The following BTAF1 variants were observed in gnomAD, a reference collection of about 807,000 sequenced individuals.
BTAF1 encodes B-TFIID TATA-box binding protein associated factor 1.
A neutral mutation model predicts 227.1 loss-of-function variants in BTAF1; 38 were observed. That is an observed-to-expected ratio of 0.17 (90% CI 0.13 to 0.22). The LOEUF (loss-of-function observed/expected upper bound fraction) is 0.22, where lower values mean the gene tolerates loss of function less well. BTAF1 is among the 10% of genes least tolerant of loss of function. The pLI is 1.00. For missense variants in BTAF1, 1,598 were observed against 2,204.0 expected, an observed-to-expected ratio of 0.73 and a Z score of 5.51; for synonymous variants, 742 against 751.9, an observed-to-expected ratio of 0.99 and a Z score of 0.21.
rs11186795 is a variant in BTAF1 at position 92,008,381 on chromosome 10, T to C, written c.3813+106T>C. On this transcript the variant is annotated intron_variant, in intron 26 of 37. Coordinates refer to ENST00000265990, the MANE Select transcript of BTAF1 (RefSeq NM_003972.3). ...TTTTTTGAGACAGAGTCTTGCTCTG[T>C]TGCCCAGGCTGGGGTGCAGTGGCAG... 302 of 1,131,144 alleles carry C rather than the reference T, an allele frequency of 2.7e-4. 1 individual carries two copies. The highest frequency in any genetic ancestry group is 8.3e-4 in the Admixed American group (24 of 29,062). 70.1% of individuals were successfully genotyped at this position (1,131,144 alleles called of 1,614,324 possible). A position where few individuals can be genotyped will look rare whatever the true frequency, so the allele number is the denominator to read the frequency against.
At position 91,993,693 on chromosome 10, in the gene BTAF1, G is replaced by T; in HGVS notation, c.3046-1G>T. The T allele has an allele frequency of 6.9e-7, 1 of 1,445,858 alleles. No individual in the cohort carries two copies. Among genetic ancestry groups the T allele is most frequent in the Non-Finnish European group, 9.2e-7 (1 of 1,088,756 alleles). 89.6% of individuals were successfully genotyped at this position (1,445,858 alleles called of 1,614,324 possible). On this transcript the variant is annotated splice_acceptor_variant, in intron 21 of 37. Transcript: ENST00000265990. LOFTEE classifies it high-confidence loss of function. ...GTTTTTATCTAACATTTAATTTTAA[G>T]GCCCAGAAGCCTTACCTGGTACAAC...
chr10:92,001,985 T>C (rs7084018), intron 25 of BTAF1, among the ~76,000 whole-genome samples: 25,302 of 72,386 alleles, frequency 0.35, 3,276 homozygotes, highest in African/African-American at 0.45. Context: ...TATATATATA[T>C]ACACACACAC....
intron 34 of BTAF1, among the ~76,000 whole-genome samples, chr10:92,023,107 A>ATTT (rs1233214870): frequency 6.6e-6 from 1 of 152,182 alleles, no homozygotes; most frequent in African/African-American, 2.4e-5. Flanking sequence ...AGACCCTCAG[A>ATTT]AGGCAGGTTT....
At chr10:91,992,824 A>T (rs1394656157) in intron 21 of BTAF1, among the ~76,000 whole-genome samples, 9 of 152,180 alleles carry the variant, frequency 5.9e-5, no homozygotes, top group Non-Finnish European at 1.2e-4. Context: ...GCTTTCCATT[A>T]TCTCCCATTG....
intron 12 of BTAF1, 100 bp from the exon 13 acceptor site, chr10:91,963,977 T>G: frequency 7.9e-7 from 1 of 1,266,976 alleles, no homozygotes; most frequent in Non-Finnish European, 1.1e-6. Flanking sequence ...TGGAATTGCA[T>G]GTGTTGTTGA....
intron 20 of BTAF1, among the ~76,000 whole-genome samples, chr10:91,991,797 G>GTATATATATATATATA (rs1166615338): frequency 1.2e-3 from 12 of 10,000 alleles, no homozygotes; most frequent in African/African-American, 2.0e-3. Flanking sequence ...GTGTGTGTGT[G>GTATATATATATATATA]TATATATATA....
At chr10:91,958,574 C>T (rs916238973) in intron 8 of BTAF1, among the ~76,000 whole-genome samples, 9 of 151,934 alleles carry the variant, frequency 5.9e-5, no homozygotes, top group East Asian at 1.9e-4. Context: ...TGGTGGCGGG[C>T]GCCTGAAATC....
intron 20 of BTAF1, 52 bp from the exon 21 acceptor site, chr10:91,992,067 T>C: frequency 7.0e-6 from 10 of 1,426,328 alleles, no homozygotes; most frequent in Non-Finnish European, 8.5e-6. Flanking sequence ...CTGAAAACAT[T>C]TGGTATCACC....
intron 32 of BTAF1, among the ~76,000 whole-genome samples, chr10:92,015,474 C>A (rs1046417789): frequency 6.6e-6 from 1 of 152,148 alleles, no homozygotes; most frequent in Non-Finnish European, 1.5e-5. Context: ...GTTGAGAGTT[C>A]TTTGATTCTT....
chr10:92,011,389 A>T lies in BTAF1; in HGVS notation c.4285A>T (p.Ile1429Phe), dbSNP rs774186020. The T allele has an allele frequency of 7.0e-7, 1 of 1,433,186 alleles. No homozygotes were observed. The highest frequency in any genetic ancestry group is 9.2e-7 in the Non-Finnish European group (1 of 1,092,094). The allele number at this position is 1,433,186 out of a possible 1,614,324, so 88.8% of individuals were successfully genotyped here. ...AVKQLTANYR[I>F]ILSGTPIQNN... ...AAAACAACTGACTGCTAATTATAGGATTATTCTTTCTGGAACACCAATCCA... is the reference window on the plus strand; with the variant it reads ...AAAACAACTGACTGCTAATTATAGGTTTATTCTTTCTGGAACACCAATCCA... The change falls in exon 30 of 38, where the codon ATT becomes TTT. Residue 1429 changes from isoleucine (I) to phenylalanine (F), a missense_variant. This residue lies in a region of BTAF1 where 184 missense variants were observed against 341.1 expected (regional missense o/e 0.54). Transcript: ENST00000265990.
intron 32 of BTAF1, among the ~76,000 whole-genome samples, chr10:92,014,289 C>T (rs968809775): frequency 4.6e-5 from 7 of 152,054 alleles, no homozygotes; most frequent in African/African-American, 1.4e-4. Flanking sequence ...AGTGCAGGAG[C>T]ACAGTCATGG....
intron 14 of BTAF1, among the ~76,000 whole-genome samples, chr10:91,968,537 C>T (rs1847081104): frequency 6.6e-6 from 1 of 152,120 alleles, no homozygotes; most frequent in Non-Finnish European, 1.5e-5. Flanking sequence ...ATTAAGTTTT[C>T]AACTCACTTG....
intron 4 of BTAF1, among the ~76,000 whole-genome samples, chr10:91,942,962 A>G (rs182599149): frequency 2.4e-4 from 37 of 152,224 alleles, no homozygotes; most frequent in Admixed American, 2.2e-3. Context: ...TTTTGTTTTT[A>G]TCACATATTT....
intron 25 of BTAF1, among the ~76,000 whole-genome samples, chr10:92,000,251 C>T (rs189537942): frequency 6.6e-6 from 1 of 152,274 alleles, no homozygotes; most frequent in Admixed American, 6.5e-5. Context: ...ATCTTCATCC[C>T]ACCTTTAAAC....
intron 25 of BTAF1, among the ~76,000 whole-genome samples, chr10:92,007,287 C>T (rs976739831): frequency 1.2e-4 from 16 of 132,572 alleles, no homozygotes; most frequent in African/African-American, 3.6e-4. Context: ...GGCACAATCT[C>T]AGCTCACTGC....
In BTAF1 at chr10:92,030,030, A is replaced by ATAAG. The variant is rs1211743276; in HGVS notation, c.*1099_*1102dup. ...TGTATGTGTTTGTATATATAATTTT[A>ATAAG]TAAGTTTCACGCATAAATTAATACA... On this transcript the variant is annotated 3_prime_UTR_variant, in exon 38 of 38. Transcript: ENST00000265990. The ATAAG allele has an allele frequency of 2.6e-5, 4 of 152,544 alleles. No individual in the cohort carries two copies. The East Asian group carries it at 7.7e-4, about 29-fold the overall frequency. 9.4% of individuals were successfully genotyped at this position (152,544 alleles called of 1,614,324 possible).
intron 1 of BTAF1, among the ~76,000 whole-genome samples, chr10:91,927,035 C>T (rs1749806097): frequency 6.6e-6 from 1 of 152,090 alleles, no homozygotes; most frequent in Non-Finnish European, 1.5e-5. Flanking sequence ...CTATCCTCCA[C>T]CCTCCCCAGA....
Position 91,962,675 on chromosome 10 carries a change from A to G in BTAF1, c.1401A>G (p.Gln467=). 6.3e-7 allele frequency: 1 copy of G among 1,586,676 alleles called. No individual in the cohort carries two copies. Among genetic ancestry groups the G allele is most frequent in the Non-Finnish European group, 8.5e-7 (1 of 1,170,296 alleles). ...VVESLVYLQT[Q]KVPFIINTLW... ...AAAGCCTTGTCTATCTTCAGACACAAAAGGTAAATTAAATATTTTTACAGT... is the reference window on the plus strand; with the variant it reads ...AAAGCCTTGTCTATCTTCAGACACAGAAGGTAAATTAAATATTTTTACAGT... Residue 467 remains glutamine, a synonymous_variant, in exon 12 of 38, where the codon CAA becomes CAG. Transcript: ENST00000265990.
At chr10:91,932,571 A>G (rs1219744672) in intron 1 of BTAF1, among the ~76,000 whole-genome samples, 1 of 152,242 alleles carries the variant, frequency 6.6e-6, no homozygotes, top group Non-Finnish European at 1.5e-5. Flanking sequence ...GACAAAAAGA[A>G]TGATTGAAGG....
Sources: allele counts gnomAD v4.1 joint callset (sites outside exome capture counted in the v4.1 genomes callset), GRCh38; gene constraint gnomAD v4.1.1; regional missense constraint gnomAD v4.1.1; transcripts MANE v1.5; gene names NCBI Gene and HGNC (gene_info 2026-07-23, HGNC 2026-07-21).